The following INTS9 variants were observed in gnomAD, a reference collection of about 807,000 sequenced individuals.
INTS9 encodes protein related to CPSF subunits of 74 kDa.
INTS9 carries 55 observed loss-of-function variants against 79.7 expected under a neutral mutation model. That is an observed-to-expected ratio of 0.69 (90% CI 0.56 to 0.86). The LOEUF is 0.86. Ranked by LOEUF, INTS9 falls within the 40% of genes least tolerant of loss-of-function variation. The pLI, the probability that INTS9 is intolerant of heterozygous loss-of-function variation, is 0.00. For synonymous variants in INTS9, 319 were observed against 325.2 expected (o/e 0.98, Z 0.20); for missense variants, 721 against 831.5 (o/e 0.87, Z 1.64).
intron 12 of INTS9, among the ~76,000 whole-genome samples, chr8:28,780,018 A>G (rs913846524): frequency 2.7e-5 from 4 of 148,760 alleles, no homozygotes; most frequent in Non-Finnish European, 5.9e-5. Context: ...GAATTGGCTG[A>G]GGTTGCTGCA....
intron 14 of INTS9, among the ~76,000 whole-genome samples, chr8:28,772,861 T>C (rs1563238778): frequency 1.3e-5 from 2 of 152,196 alleles, no homozygotes; most frequent in Non-Finnish European, 2.9e-5. Flanking sequence ...TGTATACTTA[T>C]ATAACTGGAA....
chr8:28,871,150 G>C lies in INTS9; in HGVS notation c.10-11587C>G, dbSNP rs1206814152. Among the ~76,000 whole-genome samples, 2 of 152,156 alleles carry C rather than the reference G, an allele frequency of 1.3e-5. 1 individual carries two copies. The highest frequency in any genetic ancestry group is 2.9e-5 in the Non-Finnish European group (2 of 68,032). The stretch of plus-strand genomic sequence containing the variant: ...GGTAGTAAGTTAGGAGTCAGCAAAG[G>C]AAAGAGCTTCCGTTTGTCTCTACCA... On this transcript the variant is annotated intron_variant, in intron 1 of 16. Transcript: ENST00000521022.
At chr8:28,817,642 T>G (rs1469368376) in intron 6 of INTS9, among the ~76,000 whole-genome samples, 1 of 152,084 alleles carries the variant, frequency 6.6e-6, no homozygotes, top group Non-Finnish European at 1.5e-5. Flanking sequence ...ATGTGGGCTC[T>G]TTTTTGGTTC....
At chr8:28,770,065 C>T (rs1802441342) in intron 15 of INTS9, 39 bp from the exon 16 acceptor site, 2 of 1,605,732 alleles carry the variant, frequency 1.2e-6, no homozygotes, top group East Asian at 4.5e-5. Flanking sequence ...TGAGCTTCCT[C>T]TGAGCAGCAG....
intron 6 of INTS9, among the ~76,000 whole-genome samples, chr8:28,815,103 A>G (rs567719521): frequency 1.3e-5 from 2 of 152,322 alleles, no homozygotes; most frequent in South Asian, 4.1e-4. Context: ...GAAATAAATT[A>G]GGCAGGTAGA....
chr8:28,836,685 C>A (rs1416284025), intron 5 of INTS9, among the ~76,000 whole-genome samples: 1 of 152,332 alleles, frequency 6.6e-6, no homozygotes, highest in East Asian at 1.9e-4. Context: ...ACTGCTTTAA[C>A]TTTTCCAGAC....
intron 8 of INTS9, among the ~76,000 whole-genome samples, chr8:28,801,385 G>A (rs1804508244): frequency 6.6e-6 from 1 of 151,996 alleles, no homozygotes; most frequent in Non-Finnish European, 1.5e-5. Context: ...AGCTACTCAG[G>A]AGGCTGAGAT....
In INTS9 at chr8:28,770,041, AAG is replaced by A; in HGVS notation, c.1663-17_1663-16del. ...CGAGGAGGGGGCTAGAGCAGAAGGA[AAG>A]AGTGGCTTTCATGAGCTTCCTCTGA... On this transcript the variant is annotated splice_polypyrimidine_tract_variant and intron_variant, in intron 15 of 16. Transcript: ENST00000521022. The A allele has an allele frequency of 3.1e-6, 5 of 1,612,694 alleles. No individual in the cohort carries two copies. Among genetic ancestry groups the A allele is most frequent in the Non-Finnish European group, 4.2e-6 (5 of 1,179,618 alleles).
At chr8:28,804,620 AG>A (rs1405170766) in intron 8 of INTS9, among the ~76,000 whole-genome samples, 1 of 152,178 alleles carries the variant, frequency 6.6e-6, no homozygotes, top group Admixed American at 6.5e-5. Flanking sequence ...CAGTGGTATG[AG>A]AGGAGGGTCC....
rs577978707 is a variant in INTS9 at position 28,786,327 on chromosome 8, A to G, written c.1098+1502T>C. Among the ~76,000 whole-genome samples the G allele has an allele frequency of 1.2e-3, 189 of 151,714 alleles. 2 individuals carry two copies. The highest frequency in any genetic ancestry group is 4.4e-3 in the African/African-American group (182 of 41,362). ...GACAGGGTCTTGCTCTGTCACCCAG[A>G]CTGGTGTGCAGTAAGTAGCACGATT... On this transcript the variant is annotated intron_variant, in intron 11 of 16. Coordinates refer to ENST00000521022, the MANE Select transcript of INTS9 (RefSeq NM_018250.4).
At chr8:28,814,416 A>G (rs1007365096) in intron 6 of INTS9, among the ~76,000 whole-genome samples, 13 of 152,122 alleles carry the variant, frequency 8.5e-5, no homozygotes, top group Non-Finnish European at 1.6e-4. Context: ...CAGACAAATG[A>G]TAACTGACTT....
intron 6 of INTS9, among the ~76,000 whole-genome samples, chr8:28,833,299 G>A (rs1200060066): frequency 6.6e-6 from 1 of 152,000 alleles, no homozygotes; most frequent in Non-Finnish European, 1.5e-5. Context: ...ACATGGGTAG[G>A]AGCATATGGA....
chr8:28,886,426 T>C (rs1246010919), intron 1 of INTS9, among the ~76,000 whole-genome samples: 2 of 152,040 alleles, frequency 1.3e-5, no homozygotes, highest in African/African-American at 4.8e-5. Context: ...TTTTGTATCT[T>C]TTGTAAAGAC....
At chr8:28,786,874 C>T (rs531939097) in intron 11 of INTS9, among the ~76,000 whole-genome samples, 30 of 152,238 alleles carry the variant, frequency 2.0e-4, no homozygotes, top group Middle Eastern at 3.4e-3. Flanking sequence ...CCCGCCACCA[C>T]GCCTGGCTAA....
At chr8:28,795,433 A>G (rs1247214006) in intron 9 of INTS9, among the ~76,000 whole-genome samples, 1 of 152,094 alleles carries the variant, frequency 6.6e-6, no homozygotes, top group Non-Finnish European at 1.5e-5. Flanking sequence ...TGAGGTCAGG[A>G]GTTCGAGACC....
chr8:28,879,425 T>C (rs942975573), intron 1 of INTS9, among the ~76,000 whole-genome samples: 1 of 152,206 alleles, frequency 6.6e-6, no homozygotes, highest in Non-Finnish European at 1.5e-5. Flanking sequence ...ATCAGCCTGA[T>C]ACAGGGCATC....
chr8:28,850,150 G>A (rs114478352), intron 3 of INTS9, 63 bp downstream of exon 3: 2 of 1,361,942 alleles, frequency 1.5e-6, no homozygotes, highest in African/African-American at 2.9e-5. Context: ...GGGTGGCTCT[G>A]GTATGAGAAG....
At chr8:28,836,747 C>T (rs946158651) in intron 5 of INTS9, among the ~76,000 whole-genome samples, 8 of 152,136 alleles carry the variant, frequency 5.3e-5, no homozygotes, top group Admixed American at 1.3e-4. Flanking sequence ...TGCATCACTT[C>T]GAGTGTTTTA....
chr8:28,770,866 G>T, intron 15 of INTS9, 116 bp downstream of exon 15: 1 of 783,944 alleles, frequency 1.3e-6, no homozygotes, highest in Non-Finnish European at 2.1e-6. Flanking sequence ...ACATGGCCAG[G>T]GAAATAATTC....
Sources: allele counts gnomAD v4.1 joint callset (sites outside exome capture counted in the v4.1 genomes callset), GRCh38; gene constraint gnomAD v4.1.1; transcripts MANE v1.5; gene names NCBI Gene and HGNC (gene_info 2026-07-23, HGNC 2026-07-21).